The following SLC35F3 variants were observed in gnomAD, a reference collection of about 807,000 sequenced individuals.
SLC35F3 encodes solute carrier family 35 member F3, also known as putative thiamine transporter SLC35F3.
SLC35F3 carries 25 observed loss-of-function variants against 49.9 expected under a neutral mutation model. The ratio of observed to expected loss-of-function variants is 0.50; its 90% CI spans 0.37 to 0.70. The LOEUF is 0.70. Among genes scored for constraint, SLC35F3 ranks in the 30% least tolerant of loss-of-function variants. The pLI, the probability that SLC35F3 is intolerant of heterozygous loss-of-function variation, is 0.00. For missense variants in SLC35F3, 525 were observed against 639.8 expected, an observed-to-expected ratio of 0.82 and a Z score of 1.94; for synonymous variants, 275 against 265.4, an observed-to-expected ratio of 1.04 and a Z score of -0.35.
At chr1:234,006,452 T>C (rs1663632190) in intron 2 of SLC35F3, among the ~76,000 whole-genome samples, 1 of 151,656 alleles carries the variant, frequency 6.6e-6, no homozygotes, top group Non-Finnish European at 1.5e-5. Flanking sequence ...CTTCTCAAAC[T>C]GTGCAGACCC....
intron 2 of SLC35F3, among the ~76,000 whole-genome samples, chr1:234,031,457 A>G (rs1471949273): frequency 6.6e-6 from 1 of 152,234 alleles, no homozygotes; most frequent in African/African-American, 2.4e-5. Flanking sequence ...CACAGCTACT[A>G]GCTGCCATAA....
chr1:234,224,146 C>T (rs1385988706), intron 2 of SLC35F3, among the ~76,000 whole-genome samples: 2 of 152,156 alleles, frequency 1.3e-5, no homozygotes, highest in Non-Finnish European at 2.9e-5. Flanking sequence ...GTCATTGCAG[C>T]CTCAACTTTC....
chr1:234,154,066 A>AAAAAAAC (rs1257863796), intron 2 of SLC35F3, among the ~76,000 whole-genome samples: 1 of 151,546 alleles, frequency 6.6e-6, no homozygotes, highest in African/African-American at 2.4e-5. Context: ...CGTCTCAAAA[A>AAAAAAAC]AAAAAACAAA....
intron 2 of SLC35F3, among the ~76,000 whole-genome samples, chr1:234,066,837 CA>C (rs1664628452): frequency 2.3e-5 from 1 of 44,016 alleles, no homozygotes; most frequent in Admixed American, 1.6e-4. Context: ...CTCCCACACA[CA>C]CACACACACA....
At position 234,316,635 on chromosome 1, in the gene SLC35F3, G is replaced by A. The variant is rs1311488441; in HGVS notation, c.862G>A (p.Val288Met). The change falls in exon 5 of 8, where the codon GTG becomes ATG. Residue 288 changes from valine (V) to methionine (M), a missense_variant. Val to Met is a conservative substitution (Grantham distance 21). Transcript: ENST00000366618. ...CGCCATCCTCGCCATCGCTGGCATT[G>A]TGATGATGACCTACGCTGATGGCTT... ...VAAILAIAGI[V>M]MMTYADGFHS... 15 of 1,612,044 alleles carry A rather than the reference G, an allele frequency of 9.3e-6. No homozygotes were observed. The highest frequency in any genetic ancestry group is 1.3e-5 in the Non-Finnish European group (15 of 1,178,264).
chr1:234,219,981 C>T (rs1239981720), intron 2 of SLC35F3, among the ~76,000 whole-genome samples: 1 of 152,116 alleles, frequency 6.6e-6, no homozygotes, highest in Non-Finnish European at 1.5e-5. Flanking sequence ...TCTACTGGGC[C>T]AGAGCGTAGT....
rs141293927 is a variant in SLC35F3, at chr1:234,269,599, G to A, written c.608+37858G>A. 1.4e-3 allele frequency among the ~76,000 whole-genome samples: 205 copies of A among 151,670 alleles called. 1 individual carries two copies. The highest frequency in any genetic ancestry group is 3.4e-3 in the Middle Eastern group (1 of 294). ...GCATGCTATATTTCTAAGTGCCATA[G>A]TTTGGATGTTTGTCCCCTCTAAATC... On this transcript the variant is annotated intron_variant, in intron 3 of 7. Coordinates refer to ENST00000366618, the MANE Select transcript of SLC35F3 (RefSeq NM_173508.4).
intron 2 of SLC35F3, among the ~76,000 whole-genome samples, chr1:234,080,456 C>T (rs1378148763): frequency 2.0e-5 from 3 of 152,118 alleles, no homozygotes; most frequent in African/African-American, 4.8e-5. Flanking sequence ...CCACATTATT[C>T]ATTATTATAG....
At chr1:234,319,998 C>G in intron 6 of SLC35F3, 100 bp from the exon 7 acceptor site, 1 of 784,498 alleles carries the variant, frequency 1.3e-6, no homozygotes, top group Non-Finnish European at 2.2e-6. Flanking sequence ...ACTCCTATGA[C>G]TCCAGCCTCA....
At chr1:234,083,737 A>G (rs1664916698) in intron 2 of SLC35F3, among the ~76,000 whole-genome samples, 2 of 151,810 alleles carry the variant, frequency 1.3e-5, no homozygotes, top group East Asian at 1.9e-4. Flanking sequence ...ATCACTGCCT[A>G]CTCTGAGCTT....
intron 2 of SLC35F3, among the ~76,000 whole-genome samples, chr1:234,153,907 C>CA (rs55815641): frequency 0.062 from 9,415 of 152,010 alleles, 452 homozygotes; most frequent in African/African-American, 0.12. Flanking sequence ...ACTAAAAATA[C>CA]AAAAAATTAG....
At chr1:234,097,551 C>T in intron 2 of SLC35F3, among the ~76,000 whole-genome samples, 1 of 150,530 alleles carries the variant, frequency 6.6e-6, no homozygotes, top group East Asian at 1.9e-4. Context: ...CACGCACACA[C>T]ACGCACACAC....
At chr1:234,056,465 A>G (rs745917445) in intron 2 of SLC35F3, among the ~76,000 whole-genome samples, 1 of 152,166 alleles carries the variant, frequency 6.6e-6, no homozygotes, top group Non-Finnish European at 1.5e-5. Flanking sequence ...ACCACAGTCC[A>G]TTTTAGAACA....
At chr1:234,053,264 T>C (rs1322247723) in intron 2 of SLC35F3, among the ~76,000 whole-genome samples, 1 of 152,210 alleles carries the variant, frequency 6.6e-6, no homozygotes, top group Non-Finnish European at 1.5e-5. Flanking sequence ...TATTACTGTG[T>C]GGGAGTCTAA....
chr1:234,000,954 T>C (rs964947053), intron 2 of SLC35F3, among the ~76,000 whole-genome samples: 1 of 152,186 alleles, frequency 6.6e-6, no homozygotes, highest in Admixed American at 6.5e-5. Flanking sequence ...AATACTTTAA[T>C]TTATGAGAGA....
chr1:234,276,546 T>G (rs10910404), intron 3 of SLC35F3, among the ~76,000 whole-genome samples: 50,450 of 152,010 alleles, frequency 0.33, 8,793 homozygotes, highest in Non-Finnish European at 0.37. Flanking sequence ...GAAAGCTTCA[T>G]GAAGATGGGA....
At chr1:234,074,733 G>A (rs1558222158) in intron 2 of SLC35F3, among the ~76,000 whole-genome samples, 1 of 152,244 alleles carries the variant, frequency 6.6e-6, no homozygotes, top group South Asian at 2.1e-4. Context: ...TAGAGAGGGT[G>A]GAGCGGAATT....
intron 2 of SLC35F3, among the ~76,000 whole-genome samples, chr1:234,165,038 TTGTGTGTGTGTGTGTGTGTGTGTG>T (rs58676109): frequency 7.3e-6 from 1 of 137,802 alleles, no homozygotes; most frequent in Non-Finnish European, 1.6e-5. Context: ...TAGCTTCAAT[TTGTGTGTGTGTGTGTGTGTGTGTG>T]TGTGTGTGTG....
intron 3 of SLC35F3, among the ~76,000 whole-genome samples, chr1:234,284,725 C>CA (rs1219207727): frequency 1.3e-5 from 2 of 152,086 alleles, no homozygotes; most frequent in African/African-American, 2.4e-5. Flanking sequence ...TGCAGGCATC[C>CA]AGGTAACTCG....
Sources: gnomAD v4.1 joint callset for allele counts (sites outside exome capture counted in the v4.1 genomes callset) on GRCh38, gnomAD v4.1.1 for gene constraint, MANE v1.5 for transcripts, NCBI Gene and HGNC (gene_info 2026-07-23, HGNC 2026-07-21) for gene names.